Variants in PCDH15 observed in about 807,000 individuals in gnomAD.
PCDH15 encodes the protein protocadherin related 15, also known as protocadherin-15.
Under a neutral mutation model 178.5 loss-of-function variants are expected in PCDH15, and 129 were observed. That is an observed-to-expected ratio of 0.72 (90% CI 0.63 to 0.84). The LOEUF is 0.84. PCDH15 is among the 40% of genes least tolerant of loss of function. PCDH15 has a pLI of 0.00. For synonymous variants in PCDH15, 800 were observed against 732.0 expected (o/e 1.09, Z -1.50); for missense variants, 2,230 against 2,099.9 (o/e 1.06, Z -1.21).
At chr10:55,188,734 C>T (rs930140227) in intron 1 of PCDH15, among the ~76,000 whole-genome samples, 9 of 151,622 alleles carry the variant, frequency 5.9e-5, no homozygotes, top group Non-Finnish European at 1.3e-4. Flanking sequence ...TTAAAAATCT[C>T]AATAGCCTTT....
At chr10:55,377,160 A>G (rs1318466738) in intron 2 of PCDH15, among the ~76,000 whole-genome samples, 1 of 151,004 alleles carries the variant, frequency 6.6e-6, no homozygotes, top group East Asian at 1.9e-4. Context: ...AAAAAAAAAA[A>G]AAAGAAAAGA....
chr10:54,781,134 T>C (rs1195347082), intron 1 of PCDH15, among the ~76,000 whole-genome samples: 1 of 152,074 alleles, frequency 6.6e-6, no homozygotes, highest in Non-Finnish European at 1.5e-5. Context: ...AAGTCAAATA[T>C]ATTTATATAT....
Position 54,179,578 on chromosome 10 carries a change from A to T in PCDH15, c.1590+3866T>A, listed in dbSNP as rs540530678. ...AAAACTTAAAGTATAATAATAATAA[A>T]ATAAAATTTAAAAAAAAAGAAGTAC... On this transcript the variant is annotated intron_variant, in intron 13 of 37. Transcript: ENST00000644397. Among the ~76,000 whole-genome samples the T allele has an allele frequency of 2.6e-5, 4 of 152,156 alleles. No homozygotes were observed. The East Asian group carries it at 7.7e-4, about 29-fold the overall frequency.
chr10:54,132,350 C>T (rs147195473), intron 15 of PCDH15, among the ~76,000 whole-genome samples: 70 of 152,184 alleles, frequency 4.6e-4, no homozygotes, highest in African/African-American at 1.6e-3. Context: ...AAAATATCAG[C>T]TAAAACTACC....
upstream of PCDH15, among the ~76,000 whole-genome samples, chr10:54,801,816 G>T (rs900564687): frequency 5.9e-5 from 9 of 152,070 alleles, no homozygotes; most frequent in African/African-American, 2.2e-4. Flanking sequence ...TTATCACGAA[G>T]AAATATACTA....
intron 25 of PCDH15, among the ~76,000 whole-genome samples, chr10:53,929,708 A>G (rs1257616081): frequency 2.6e-5 from 4 of 152,210 alleles, no homozygotes; most frequent in African/African-American, 9.6e-5. Flanking sequence ...TAAAACATAA[A>G]ATGAAATCAA....
chr10:54,000,037 A>T (rs1165085408), intron 20 of PCDH15, among the ~76,000 whole-genome samples: 1 of 152,160 alleles, frequency 6.6e-6, no homozygotes, highest in Non-Finnish European at 1.5e-5. Context: ...GGAAAAGAAC[A>T]GGAGTTTCTG....
At chr10:55,412,483 A>G (rs1838363333) in intron 2 of PCDH15, among the ~76,000 whole-genome samples, 1 of 151,984 alleles carries the variant, frequency 6.6e-6, no homozygotes. Context: ...TGAACATAAA[A>G]GAAGTACCCT....
chr10:54,675,763 T>C (rs1374515699), intron 1 of PCDH15, among the ~76,000 whole-genome samples: 1 of 152,180 alleles, frequency 6.6e-6, no homozygotes, highest in Non-Finnish European at 1.5e-5. Context: ...TGTTTCACTT[T>C]ATGCCCCTGA....
chr10:54,543,116 C>T (rs1183481120), intron 2 of PCDH15, among the ~76,000 whole-genome samples: 2 of 150,796 alleles, frequency 1.3e-5, no homozygotes, highest in East Asian at 2.1e-4. Flanking sequence ...CCCCCCAAAA[C>T]TCCGAATGGC....
At chr10:54,760,564 C>G (rs1300631261) in intron 1 of PCDH15, among the ~76,000 whole-genome samples, 1 of 152,060 alleles carries the variant, frequency 6.6e-6, no homozygotes. Flanking sequence ...AACTGCTGCC[C>G]CAGACTGTGT....
chr10:54,041,630 A>G (rs1247180668), intron 18 of PCDH15, among the ~76,000 whole-genome samples: 2 of 152,144 alleles, frequency 1.3e-5, no homozygotes, highest in Non-Finnish European at 2.9e-5. Context: ...GACAAATGTC[A>G]ACCAAAATAT....
chr10:54,342,270 G>T (rs1942379994), intron 6 of PCDH15, among the ~76,000 whole-genome samples: 1 of 152,178 alleles, frequency 6.6e-6, no homozygotes, highest in Admixed American at 6.5e-5. Flanking sequence ...GCTGGGACCA[G>T]GGCCCCACTG....
intron 1 of PCDH15, among the ~76,000 whole-genome samples, chr10:55,267,120 G>T (rs752702184): frequency 1.3e-5 from 2 of 152,070 alleles, no homozygotes; most frequent in Non-Finnish European, 2.9e-5. Context: ...AAGGCAGGGA[G>T]GGGGAGGGTA....
chr10:54,889,513 A>ATATATATATATATATATATT, intron 3 of PCDH15, among the ~76,000 whole-genome samples: 1 of 149,050 alleles, frequency 6.7e-6, no homozygotes, highest in Admixed American at 6.7e-5. Flanking sequence ...ATATATATAT[A>ATATATATATATATATATATT]TATATGATCT....
intron 2 of PCDH15, among the ~76,000 whole-genome samples, chr10:55,152,759 GC>G (rs1011999619): frequency 2.5e-4 from 38 of 152,198 alleles, no homozygotes; most frequent in African/African-American, 8.9e-4. Flanking sequence ...ATTTACATTT[GC>G]CCTAAGACTG....
chr10:54,105,317 T>TACACACAC (rs1554967825), intron 15 of PCDH15, among the ~76,000 whole-genome samples: 1 of 91,586 alleles, frequency 1.1e-5, no homozygotes, highest in African/African-American at 3.9e-5. Context: ...TATATATATA[T>TACACACAC]ACACACACAC....
intron 23 of PCDH15, among the ~76,000 whole-genome samples, chr10:53,942,901 AC>A (rs1564825106): frequency 6.6e-6 from 1 of 152,224 alleles, no homozygotes; most frequent in Non-Finnish European, 1.5e-5. Context: ...ATGCCACAAC[AC>A]AAAACTAATA....
At chr10:54,678,515 A>AT (rs1343842553) in intron 1 of PCDH15, among the ~76,000 whole-genome samples, 1 of 152,152 alleles carries the variant, frequency 6.6e-6, no homozygotes, top group Admixed American at 6.5e-5. Flanking sequence ...GAGGGTCCTT[A>AT]TATAATACTC....
Sources: gnomAD v4.1 joint callset for allele counts (sites outside exome capture counted in the v4.1 genomes callset) on GRCh38, gnomAD v4.1.1 for gene constraint, MANE v1.5 for transcripts, NCBI Gene and HGNC (gene_info 2026-07-23, HGNC 2026-07-21) for gene names.